The following MUC3A variants were observed in gnomAD, a reference collection of about 807,000 sequenced individuals.
The protein encoded by MUC3A is mucin-3A.
MUC3A carries 109 observed loss-of-function variants against 109.0 expected under a neutral mutation model. The ratio of observed to expected loss-of-function variants is 1.00; its 90% CI spans 0.86 to 1.17. The LOEUF is 1.17. Among genes scored for constraint, MUC3A ranks in the 50% most tolerant of loss-of-function variants. The pLI is 0.00. For synonymous variants in MUC3A, 1,398 were observed against 981.4 expected, an observed-to-expected ratio of 1.42 and a Z score of -7.93; for missense variants, 3,537 against 2,469.4, an observed-to-expected ratio of 1.43 and a Z score of -9.16.
At chr7:100,951,777 G>A in intron 1 of MUC3A, 64 bp from the exon 2 acceptor site, 2 of 1,566,064 alleles carry the variant, frequency 1.3e-6, no homozygotes, top group Non-Finnish European at 1.7e-6. Flanking sequence ...TAGCTTACAT[G>A]AGTGATGTAA....
chr7:100,963,624 G>A, intron 4 of MUC3A, 64 bp from the exon 5 acceptor site: 1 of 1,596,992 alleles, frequency 6.3e-7, no homozygotes. Flanking sequence ...AGCTGGGGTT[G>A]GGCGTCTGGG....
Position 100,957,230 on chromosome 7 carries a change from C to CA in MUC3A, c.5451_5452insA (p.Pro1818ThrfsTer21). ...TCACCAGTGGTACCACAAACACCAC[C>CA]CCTCTATCTACATTGGTGACCACAT... On this transcript the variant is annotated frameshift_variant, in exon 2 of 12. Coordinates refer to ENST00000379458, the MANE Select transcript of MUC3A (RefSeq NM_005960.2). LOFTEE classifies it high-confidence loss of function. The CA allele has an allele frequency of 2.1e-6, 1 of 482,618 alleles. No homozygotes were observed. The highest frequency in any genetic ancestry group is 3.8e-5 in the Admixed American group (1 of 26,602). 29.9% of individuals were successfully genotyped at this position (482,618 alleles called of 1,614,324 possible).
rs1792027563 is a variant in MUC3A, at chr7:100,953,576, C to T, written c.1797C>T (p.Thr599=). 2 of 442,442 alleles carry T rather than the reference C, an allele frequency of 4.5e-6. No individual in the cohort carries two copies. The allele number at this position is 442,442 out of a possible 1,614,324, so 27.4% of individuals were successfully genotyped here. A position where few individuals can be genotyped will look rare whatever the true frequency, so the allele number is the denominator to read the frequency against. The change falls in exon 2 of 12, where the codon ACC becomes ACT. Residue 599 remains threonine, a synonymous_variant. Coordinates refer to ENST00000379458, the MANE Select transcript of MUC3A (RefSeq NM_005960.2). ...CAGCAACTACAGGAACAGGTCAGAC[C>T]ACCTTCACCAGCTCTACAGCCACAT... is the stretch of plus-strand genomic sequence containing the variant. The part of the protein sequence containing the change: ...TTAATTGTGQ[T]TFTSSTATFP...
chr7:100,965,192 C>T, intron 6 of MUC3A, 90 bp from the exon 7 acceptor site: 1 of 1,550,196 alleles, frequency 6.5e-7, no homozygotes, highest in Non-Finnish European at 8.7e-7. Context: ...CACTGCCCTC[C>T]CTGTGCCTAT....
chr7:100,958,369 C>G lies in MUC3A; in HGVS notation c.6590C>G (p.Thr2197Ser). 1.1e-6 allele frequency: 1 copy of G among 920,310 alleles called. No homozygotes were observed. The highest frequency in any genetic ancestry group is 1.3e-5 in the South Asian group (1 of 77,410). 57.0% of individuals were successfully genotyped at this position (920,310 alleles called of 1,614,324 possible). ...ACTTCTTCAAATACCATCACTGAGA[C>G]CACCTCACACAGTACTCCCAGCTAC... ...SFTSSNTITETTSHSTPSYIT... is the reference protein window; with the variant it reads ...SFTSSNTITESTSHSTPSYIT... The change falls in exon 2 of 12, where the codon ACC (threonine) becomes AGC (serine). Residue 2197 changes from threonine to serine, a missense_variant. Thr to Ser is a moderately conservative substitution (Grantham distance 58). Coordinates refer to ENST00000379458, the MANE Select transcript of MUC3A (RefSeq NM_005960.2).
rs753161893 is a variant in MUC3A at position 100,959,422 on chromosome 7, T to C, written c.7643T>C (p.Met2548Thr). ...CTTGTGGGCACCACCTCTCCCACCA[T>C]GTCCACTGTGAGAATGACCCTCAGA... Reference protein sequence around the residue: ...SSLVGTTSPTMSTVRMTLRIT... With the variant: ...SSLVGTTSPTTSTVRMTLRIT... Residue 2548 changes from methionine to threonine, a missense_variant, in exon 2 of 12, where the codon ATG becomes ACG. Met to Thr is a moderately conservative substitution (Grantham distance 81). Transcript: ENST00000379458. The C allele has an allele frequency of 1.9e-5, 30 of 1,539,218 alleles. No homozygotes were observed. The highest frequency in any genetic ancestry group is 4.1e-5 in the African/African-American group (3 of 72,986).
rs1289241022 is a variant in MUC3A at position 100,957,352 on chromosome 7, A to G, written c.5573A>G (p.Tyr1858Cys). 1.6e-6 allele frequency: 1 copy of G among 617,828 alleles called. No homozygotes were observed. The highest frequency in any genetic ancestry group is 1.9e-5 in the African/African-American group (1 of 53,132). The allele number at this position is 617,828 out of a possible 1,614,324, so 38.3% of individuals were successfully genotyped here. Residue 1858 changes from tyrosine to cysteine, a missense_variant, in exon 2 of 12, where the codon TAT (tyrosine) becomes TGT (cysteine). Coordinates refer to ENST00000379458, the MANE Select transcript of MUC3A (RefSeq NM_005960.2). Reference protein sequence around the residue: ...ALTDSTTRTTYSTNMTGTLST... With the variant: ...ALTDSTTRTTCSTNMTGTLST... ...ACAGATTCCACGACCAGAACCACCT[A>G]TTCCACCAATATGACAGGTACATTG...
chr7:100,960,401 C>G lies in MUC3A; in HGVS notation c.8622C>G (p.Ser2874Arg). ...TGCCCACCAGTGAGACCTGGCTGAG[C>G]AACAGTTCTGTGATCCCCCTACCTC... is the stretch of plus-strand genomic sequence containing the variant. ...TRLPTSETWL[S>R]NSSVIPLPLP... Residue 2874 changes from serine to arginine, a missense_variant, in exon 2 of 12, where the codon AGC (serine) becomes AGG (arginine). Transcript: ENST00000379458. The G allele has an allele frequency of 6.3e-7, 1 of 1,598,536 alleles. No individual in the cohort carries two copies. The highest frequency in any genetic ancestry group is 8.5e-7 in the Non-Finnish European group (1 of 1,179,818).
chr7:100,964,906 G>T (rs1285829422), intron 6 of MUC3A, 63 bp downstream of exon 6: 9 of 1,528,324 alleles, frequency 5.9e-6, no homozygotes, highest in Non-Finnish European at 7.9e-6. Flanking sequence ...CTCCAGCTCA[G>T]CCAGGGGGCC....
In MUC3A at chr7:100,960,354, A is replaced by C; in HGVS notation, c.8575A>C (p.Thr2859Pro). The change falls in exon 2 of 12, where the codon ACA becomes CCA. Residue 2859 changes from threonine (T) to proline (P), a missense_variant. Physicochemically the swap from Thr to Pro is conservative, Grantham distance 38. Transcript: ENST00000379458. ...TGGCACTGGGACTGTACCCACAAAC[A>C]CAGTTTTCACAAGTACTCGACTGCC... ...STGTGTVPTN[T>P]VFTSTRLPTS... 1 of 1,598,550 alleles carries C rather than the reference A, an allele frequency of 6.3e-7. No individual in the cohort carries two copies.
In MUC3A at chr7:100,960,801, T is replaced by C. The variant is rs978616247; in HGVS notation, c.8916T>C (p.Leu2972=). The C allele has an allele frequency of 2.5e-6, 4 of 1,598,412 alleles. No homozygotes were observed. The highest frequency in any genetic ancestry group is 3.4e-6 in the Non-Finnish European group (4 of 1,179,820). The change falls in exon 3 of 12, where the codon CTT becomes CTC. Residue 2972 remains leucine (L), a synonymous_variant. Coordinates refer to ENST00000379458, the MANE Select transcript of MUC3A (RefSeq NM_005960.2). ...GTWEQGQCAC[L]PGFSGDRCQL... ...GGGAACAGGGCCAGTGTGCTTGCCT[T>C]CCGGGGTTTTCTGGGGACCGCTGTC...
At position 100,964,773 on chromosome 7, in the gene MUC3A, G is replaced by C. The variant is rs766958342; in HGVS notation, c.9312G>C (p.Gln3104His). Residue 3104 changes from glutamine to histidine, a missense_variant, in exon 6 of 12, where the codon CAG (glutamine) becomes CAC (histidine). Coordinates refer to ENST00000379458, the MANE Select transcript of MUC3A (RefSeq NM_005960.2). ...FSPQLESEYE[Q>H]VKTTLKEGLQ... ...CCCAGCTGGAGAGCGAGTATGAGCAGGTGAAGACCACGCTGAAGGAGGGGC... is the reference window on the plus strand; with the variant it reads ...CCCAGCTGGAGAGCGAGTATGAGCACGTGAAGACCACGCTGAAGGAGGGGC... 1 of 1,598,466 alleles carries C rather than the reference G, an allele frequency of 6.3e-7. No individual in the cohort carries two copies. Among genetic ancestry groups the C allele is most frequent in the Admixed American group, 1.7e-5 (1 of 60,024 alleles).
Position 100,959,393 on chromosome 7 carries a change from A to T in MUC3A, c.7614A>T (p.Ser2538=). Residue 2538 remains serine, a synonymous_variant, in exon 2 of 12, where the codon TCA becomes TCT. Transcript: ENST00000379458. ...SSPSIQSTET[S]SLVGTTSPTM... Reference sequence around the variant, plus strand: ...CCTCCATCCAAAGTACAGAAACCTCATCCCTTGTGGGCACCACCTCTCCCA... The same window carrying T: ...CCTCCATCCAAAGTACAGAAACCTCTTCCCTTGTGGGCACCACCTCTCCCA... 6.5e-7 allele frequency: 1 copy of T among 1,537,140 alleles called. No homozygotes were observed. The highest frequency in any genetic ancestry group is 8.7e-7 in the Non-Finnish European group (1 of 1,152,200).
rs1201564469 is a variant in MUC3A, at chr7:100,958,198, G to C, written c.6419G>C (p.Ser2140Thr). Reference sequence around the variant, plus strand: ...ACCACCACTGAGAACGCCACACACAGTACTCCCAACTTCACTTCTTCAATC... The same window carrying C: ...ACCACCACTGAGAACGCCACACACACTACTCCCAACTTCACTTCTTCAATC... ...SITTTENATH[S>T]TPNFTSSITT... Residue 2140 changes from serine to threonine, a missense_variant, in exon 2 of 12, where the codon AGT becomes ACT. Transcript: ENST00000379458. 2 of 190,688 alleles carry C rather than the reference G, an allele frequency of 1.0e-5. No homozygotes were observed. Among genetic ancestry groups the C allele is most frequent in the East Asian group, 1.0e-4 (1 of 9,950 alleles). 11.8% of individuals were successfully genotyped at this position (190,688 alleles called of 1,614,324 possible).
Position 100,957,909 on chromosome 7 carries a change from A to C in MUC3A, c.6130A>C (p.Thr2044Pro). ...ETTSHSTPSF[T>P]SSITTETTSH... is the part of the protein sequence containing the mutation. ...CACATCCCATAGTACTCCCAGCTTC[A>C]CTTCTTCGATCACCACCGAGACCAC... is the stretch of plus-strand genomic sequence containing the variant. The change falls in exon 2 of 12, where the codon ACT (threonine) becomes CCT (proline). Residue 2044 changes from threonine to proline, a missense_variant. Thr to Pro is a conservative substitution (Grantham distance 38, BLOSUM62 -1). Coordinates refer to ENST00000379458, the MANE Select transcript of MUC3A (RefSeq NM_005960.2). 3 of 567,008 alleles carry C rather than the reference A, an allele frequency of 5.3e-6. No individual in the cohort carries two copies. The highest frequency in any genetic ancestry group is 8.9e-6 in the Non-Finnish European group (3 of 336,508). 35.1% of individuals were successfully genotyped at this position (567,008 alleles called of 1,614,324 possible). A position where few individuals can be genotyped will look rare whatever the true frequency, so the allele number is the denominator to read the frequency against.
chr7:100,966,853 T>G, intron 10 of MUC3A, 46 bp from the exon 11 acceptor site: 4 of 1,598,444 alleles, frequency 2.5e-6, no homozygotes, highest in Non-Finnish European at 3.4e-6. Flanking sequence ...CTCCCTTCCG[T>G]CCCCTCCCTC....
chr7:100,966,871 C>CTATT, intron 10 of MUC3A, 28 bp from the exon 11 acceptor site: 1 of 1,598,248 alleles, frequency 6.3e-7, no homozygotes, highest in South Asian at 1.1e-5. Flanking sequence ...CTCTCCCCTT[C>CTATT]TCTTTCTCCG....
chr7:100,965,393 CGGG>C (rs2116223797), intron 7 of MUC3A, 46 bp downstream of exon 7: 23 of 1,578,738 alleles, frequency 1.5e-5, no homozygotes, highest in Admixed American at 1.1e-4. Flanking sequence ...GGCTATGATC[CGGG>C]CTACCAGGGA....
Position 100,956,620 on chromosome 7 carries a change from C to T in MUC3A, c.4841C>T (p.Pro1614Leu). Residue 1614 changes from proline to leucine, a missense_variant, in exon 2 of 12, where the codon CCT becomes CTT. Transcript: ENST00000379458. ...SMSARPTSVI[P>L]SSPTVQNTET... The stretch of plus-strand genomic sequence containing the variant: ...TCTGCAAGGCCAACAAGTGTCATTC[C>T]TTCATCTCCCACTGTCCAGAATACA... 2.4e-6 allele frequency: 1 copy of T among 423,122 alleles called. No individual in the cohort carries two copies. The highest frequency in any genetic ancestry group is 4.1e-6 in the Non-Finnish European group (1 of 242,368). 26.2% of individuals were successfully genotyped at this position (423,122 alleles called of 1,614,324 possible).
Sources: allele counts gnomAD v4.1 joint callset, GRCh38; gene constraint gnomAD v4.1.1; transcripts MANE v1.5; gene names NCBI Gene and HGNC (gene_info 2026-07-23, HGNC 2026-07-21).